The following FNDC3A variants were observed in gnomAD, a reference collection of about 807,000 sequenced individuals.
FNDC3A encodes the protein fibronectin type-III domain-containing protein 3A.
In FNDC3A, 32 loss-of-function variants were observed where a neutral mutation model predicts 148.9. The observed-to-expected ratio is 0.21, with a 90% CI of 0.16 to 0.29. FNDC3A has a LOEUF of 0.29. Ranked by LOEUF, FNDC3A falls within the 10% of genes least tolerant of loss-of-function variation. FNDC3A has a pLI of 1.00. For synonymous variants in FNDC3A, 472 were observed against 473.6 expected (o/e 1.00, Z 0.04); for missense variants, 1,191 against 1,452.8 (o/e 0.82, Z 2.93).
intron 2 of FNDC3A, among the ~76,000 whole-genome samples, chr13:49,013,549 T>C (rs1406693232): frequency 4.0e-5 from 6 of 151,776 alleles, no homozygotes; most frequent in Admixed American, 3.3e-4. Flanking sequence ...TGTACATGTG[T>C]ATACATATGT....
At chr13:49,019,102 G>A (rs1400429854) in intron 2 of FNDC3A, among the ~76,000 whole-genome samples, 2 of 152,374 alleles carry the variant, frequency 1.3e-5, no homozygotes, top group African/African-American at 4.8e-5. Flanking sequence ...GCGGCAGGCA[G>A]GCCTCCTGGA....
chr13:49,193,758 A>C (rs913669366), intron 19 of FNDC3A, among the ~76,000 whole-genome samples: 1 of 152,020 alleles, frequency 6.6e-6, no homozygotes, highest in South Asian at 2.1e-4. Context: ...CTTCTCTGCT[A>C]AAAATGCAAA....
Position 49,146,030 on chromosome 13 carries a change from C to T in FNDC3A, c.977+95C>T, listed in dbSNP as rs79927363. The T allele has an allele frequency of 5.0e-3, 4,230 of 847,362 alleles. 133 individuals carry two copies. The African/African-American group carries it at 0.064, about 13-fold the overall frequency. The allele number at this position is 847,362 out of a possible 1,614,324, so 52.5% of individuals were successfully genotyped here. A position where few individuals can be genotyped will look rare whatever the true frequency, so the allele number is the denominator to read the frequency against. ...ATTTTGCTCTACTTTTCCTTCTTCA[C>T]GCTTTTATTCTGAATCTTTAAGTTG... On this transcript the variant is annotated intron_variant, in intron 8 of 25. Coordinates refer to ENST00000492622, the MANE Select transcript of FNDC3A (RefSeq NM_001079673.2).
intron 2 of FNDC3A, among the ~76,000 whole-genome samples, chr13:49,052,908 GATGAGGGTGTGGTTCCCAGTCCA>G (rs1875944217): frequency 6.6e-6 from 1 of 152,180 alleles, no homozygotes; most frequent in Admixed American, 6.5e-5. Context: ...TGCTGTGGGA[GATGAGGGTGTGGTTCCCAGTCCA>G]ATGAAGTTAT....
chr13:49,116,916 A>G (rs1320450492), intron 4 of FNDC3A, among the ~76,000 whole-genome samples: 1 of 152,206 alleles, frequency 6.6e-6, no homozygotes, highest in Non-Finnish European at 1.5e-5. Context: ...CTATGCATCT[A>G]TCTGAGAAAA....
At position 49,187,912 on chromosome 13, in the gene FNDC3A, C is replaced by T. The variant is rs1885672412; in HGVS notation, c.1826-603C>T. Among the ~76,000 whole-genome samples, 3 of 152,056 alleles carry T rather than the reference C, an allele frequency of 2.0e-5. No homozygotes were observed. In the South Asian group the frequency reaches 6.2e-4, roughly 32 times the overall value. On this transcript the variant is annotated intron_variant, in intron 16 of 25. Coordinates refer to ENST00000492622, the MANE Select transcript of FNDC3A (RefSeq NM_001079673.2). ...TTTTTGTTCTCATTTATTTACATTG[C>T]TCAGCCTCTATACACCTAGACCAAG... is the stretch of plus-strand genomic sequence containing the variant.
At chr13:49,178,985 C>G (rs1275021969) in intron 14 of FNDC3A, among the ~76,000 whole-genome samples, 1 of 152,142 alleles carries the variant, frequency 6.6e-6, no homozygotes, top group African/African-American at 2.4e-5. Context: ...CCTCGGCCTC[C>G]CAGAGTTCTG....
chr13:49,095,466 C>T (rs1043438021), intron 3 of FNDC3A: 4 of 151,898 alleles, frequency 2.6e-5, no homozygotes, highest in African/African-American at 9.7e-5. Flanking sequence ...CCTTTCCACT[C>T]CCACTGCTTC....
At chr13:49,156,622 T>C (rs554705133) in intron 8 of FNDC3A, among the ~76,000 whole-genome samples, 1 of 151,722 alleles carries the variant, frequency 6.6e-6, no homozygotes, top group South Asian at 2.1e-4. Context: ...TTCTCGATGG[T>C]CTTTACATTT....
intron 10 of FNDC3A, 112 bp from the exon 11 acceptor site, chr13:49,171,931 C>T (rs967815086): frequency 1.1e-5 from 8 of 699,138 alleles, no homozygotes; most frequent in Non-Finnish European, 1.9e-5. Context: ...TTCGCAGGAC[C>T]AAGTCACAGA....
intron 3 of FNDC3A, among the ~76,000 whole-genome samples, chr13:49,087,481 C>G (rs1053115996): frequency 6.6e-6 from 1 of 151,972 alleles, no homozygotes; most frequent in Non-Finnish European, 1.5e-5. Flanking sequence ...TTCCTGTTTT[C>G]CCTTTTAGGA....
At chr13:49,073,885 TAAA>T (rs528228887) in intron 2 of FNDC3A, among the ~76,000 whole-genome samples, 2 of 148,194 alleles carry the variant, frequency 1.3e-5, no homozygotes, top group African/African-American at 4.9e-5. Flanking sequence ...TATTCCTTAA[TAAA>T]AAAAAATCCC....
chr13:49,168,822 C>G, intron 10 of FNDC3A, 71 bp downstream of exon 10: 1 of 1,391,346 alleles, frequency 7.2e-7, no homozygotes. Context: ...TATTAAGTTT[C>G]AATTGTTGCT....
chr13:49,032,480 A>G (rs1593495909), intron 2 of FNDC3A, among the ~76,000 whole-genome samples: 1 of 152,240 alleles, frequency 6.6e-6, no homozygotes, highest in Non-Finnish European at 1.5e-5. Context: ...ATATGCCGCA[A>G]TGTGGATGAA....
chr13:49,157,807 G>T (rs1883799527), intron 8 of FNDC3A, among the ~76,000 whole-genome samples: 1 of 130,994 alleles, frequency 7.6e-6, no homozygotes, highest in African/African-American at 2.9e-5. Flanking sequence ...GCCCCTGCTG[G>T]GGGGTGCCTC....
intron 3 of FNDC3A, among the ~76,000 whole-genome samples, chr13:49,081,407 G>A (rs1223599109): frequency 6.6e-6 from 1 of 152,138 alleles, no homozygotes; most frequent in Non-Finnish European, 1.5e-5. Context: ...TACTTTAATA[G>A]GGCAGTAGTT....
chr13:49,150,417 C>G (rs1431381084), intron 8 of FNDC3A, among the ~76,000 whole-genome samples: 1 of 152,132 alleles, frequency 6.6e-6, no homozygotes, highest in East Asian at 1.9e-4. Context: ...AAACTTCCCT[C>G]TTGGCACTGC....
intron 1 of FNDC3A, 120 bp downstream of exon 1, chr13:48,976,297 T>C (rs1222202721): frequency 6.6e-6 from 1 of 152,532 alleles, no homozygotes; most frequent in South Asian, 2.1e-4. Flanking sequence ...CGGGGCACTC[T>C]CCAGGGCTCG....
chr13:49,051,561 C>T (rs1197124591), intron 2 of FNDC3A, among the ~76,000 whole-genome samples: 3 of 152,132 alleles, frequency 2.0e-5, no homozygotes, highest in Admixed American at 2.0e-4. Context: ...GATAAGTTTT[C>T]CTTTTACAGG....
Sources: allele counts gnomAD v4.1 joint callset (sites outside exome capture counted in the v4.1 genomes callset), GRCh38; gene constraint gnomAD v4.1.1; transcripts MANE v1.5; gene names NCBI Gene and HGNC (gene_info 2026-07-23, HGNC 2026-07-21).